CFAP20DC: variants seen among roughly 807,000 people sequenced by gnomAD.
The protein encoded by CFAP20DC is protein CFAP20DC.
A neutral mutation model predicts 101.7 loss-of-function variants in CFAP20DC; 84 were observed. The observed-to-expected ratio is 0.83, with a 90% CI of 0.69 to 0.99. CFAP20DC has a LOEUF of 0.99. Ranked by LOEUF, CFAP20DC falls within the 50% of genes least tolerant of loss-of-function variation. The pLI is 0.00. For synonymous variants in CFAP20DC, 359 were observed against 351.2 expected (o/e 1.02, Z -0.25); for missense variants, 1,007 against 970.3 (o/e 1.04, Z -0.50).
At chr3:58,716,189 C>T (rs1261012346), downstream of CFAP20DC, among the ~76,000 whole-genome samples, 1 of 119,052 alleles carries the variant, frequency 8.4e-6, no homozygotes, top group Admixed American at 1.1e-4. Flanking sequence ...GAGTCTCGCT[C>T]TGTCGCCCAG....
intron 4 of CFAP20DC, among the ~76,000 whole-genome samples, chr3:58,957,203 A>G (rs2090712901): frequency 6.6e-6 from 1 of 152,188 alleles, no homozygotes; most frequent in Non-Finnish European, 1.5e-5. Context: ...AGATTTGAAC[A>G]AACATTTCTC....
chr3:58,734,580 A>C (rs899446774), intron 3 of CFAP20DC: 4 of 456,546 alleles, frequency 8.8e-6, no homozygotes, highest in Non-Finnish European at 1.8e-5. Flanking sequence ...TAGAAAAAAA[A>C]CAAACTCAGT....
intron 4 of CFAP20DC, 108 bp from the exon 5 acceptor site, chr3:58,937,870 G>T: frequency 1.5e-6 from 1 of 667,708 alleles, no homozygotes; most frequent in Non-Finnish European, 2.6e-6. Flanking sequence ...CTTTTCAACA[G>T]GAAGATCAAA....
At chr3:58,942,113 T>C (rs1388180554) in intron 4 of CFAP20DC, among the ~76,000 whole-genome samples, 5 of 152,216 alleles carry the variant, frequency 3.3e-5, no homozygotes, top group Non-Finnish European at 7.3e-5. Context: ...TCTATACTGG[T>C]TGAAATTATC....
intron 4 of CFAP20DC, among the ~76,000 whole-genome samples, chr3:58,976,865 C>G (rs140858230): frequency 6.6e-6 from 1 of 152,110 alleles, no homozygotes; most frequent in Non-Finnish European, 1.5e-5. Context: ...GGTGTCCTGT[C>G]CAGGTGGGTT....
chr3:58,764,782 G>A (rs2070106678), intron 15 of CFAP20DC, among the ~76,000 whole-genome samples: 1 of 152,056 alleles, frequency 6.6e-6, no homozygotes, highest in South Asian at 2.1e-4. Flanking sequence ...AGCACATGCA[G>A]GAAGGAGCCT....
chr3:58,860,175 C>CAAAAA (rs10575757), intron 12 of CFAP20DC, among the ~76,000 whole-genome samples: 6 of 78,156 alleles, frequency 7.7e-5, no homozygotes, highest in Non-Finnish European at 1.0e-4. Context: ...AACTCCATCT[C>CAAAAA]AAAAAAAAAA....
chr3:59,032,588 C>T (rs1397983573), intron 4 of CFAP20DC, among the ~76,000 whole-genome samples: 1 of 152,160 alleles, frequency 6.6e-6, no homozygotes. Flanking sequence ...CCTGGAAATT[C>T]GAACTAGGCA....
intron 3 of CFAP20DC, chr3:58,734,610 T>G: frequency 2.2e-6 from 1 of 456,358 alleles, no homozygotes; most frequent in South Asian, 1.6e-5. Context: ...CAAATGGATG[T>G]CATCCCATTT....
chr3:58,867,641 T>C (rs1215176977), intron 10 of CFAP20DC, among the ~76,000 whole-genome samples, 176 bp downstream of exon 10: 2 of 152,170 alleles, frequency 1.3e-5, no homozygotes, highest in African/African-American at 2.4e-5. Context: ...AAATCTCCAT[T>C]AGGGATCTAG....
intron 4 of CFAP20DC, among the ~76,000 whole-genome samples, chr3:58,957,312 C>T (rs756849421): frequency 1.1e-4 from 17 of 152,082 alleles, no homozygotes; most frequent in Non-Finnish European, 2.1e-4. Context: ...AGATACCTTC[C>T]CCCAGTTCAA....
At chr3:59,026,042 T>G (rs1162616111) in intron 4 of CFAP20DC, among the ~76,000 whole-genome samples, 1 of 152,112 alleles carries the variant, frequency 6.6e-6, no homozygotes, top group African/African-American at 2.4e-5. Context: ...AAAACCTATT[T>G]TAAGGCATGC....
At chr3:59,023,926 T>A (rs2093848533) in intron 4 of CFAP20DC, among the ~76,000 whole-genome samples, 2 of 152,040 alleles carry the variant, frequency 1.3e-5, no homozygotes, top group African/African-American at 4.8e-5. Flanking sequence ...GTAAAACATA[T>A]AAACATTTTC....
chr3:58,884,637 T>A lies in CFAP20DC; in HGVS notation c.623A>T (p.Asp208Val). Residue 208 changes from aspartate (D) to valine (V), a missense_variant, in exon 7 of 17, where the codon GAT becomes GTT. Asp to Val is a radical substitution (Grantham distance 152). Coordinates refer to ENST00000482387, the MANE Select transcript of CFAP20DC (RefSeq NM_001394063.1). ...TAGCAGCTGTGTGACATGTGGAACA[T>A]CTGTCATTAGTTGACAGCTTCGTGG... Reference protein sequence around the residue: ...IIPRSCQLMTDVPHVTQLLNM... With the variant: ...IIPRSCQLMTVVPHVTQLLNM... 1 of 1,613,706 alleles carries A rather than the reference T, an allele frequency of 6.2e-7. No individual in the cohort carries two copies. Among genetic ancestry groups the A allele is most frequent in the Non-Finnish European group, 8.5e-7 (1 of 1,179,606 alleles).
chr3:58,905,550 A>G lies in CFAP20DC; in HGVS notation c.550+8158T>C, dbSNP rs190034745. Among the ~76,000 whole-genome samples, 195 of 152,354 alleles carry G rather than the reference A, an allele frequency of 1.3e-3. 1 individual carries two copies. Among genetic ancestry groups the G allele is most frequent in the African/African-American group, 4.6e-3 (190 of 41,588 alleles). On this transcript the variant is annotated intron_variant, in intron 6 of 16. Coordinates refer to ENST00000482387, the MANE Select transcript of CFAP20DC (RefSeq NM_001394063.1). ...ATTGCTTGATGCAAGATTCCAAAAA[A>G]TTCACTTTCTATTATATCCCACTGT... is the stretch of plus-strand genomic sequence containing the variant.
At chr3:58,979,995 C>A (rs571028965) in intron 4 of CFAP20DC, among the ~76,000 whole-genome samples, 1 of 152,012 alleles carries the variant, frequency 6.6e-6, no homozygotes, top group Non-Finnish European at 1.5e-5. Context: ...TTGAAATGAT[C>A]GATTAGCACT....
chr3:58,924,382 T>C (rs1387384567), intron 5 of CFAP20DC, among the ~76,000 whole-genome samples: 5 of 152,132 alleles, frequency 3.3e-5, no homozygotes, highest in African/African-American at 9.7e-5. Context: ...TTCAGTTCCA[T>C]CATGTTGCTG....
At position 58,849,083 on chromosome 3, in the gene CFAP20DC, G is replaced by T. The variant is rs1316907440; in HGVS notation, c.1920C>A (p.Thr640=). The change falls in exon 13 of 17, where the codon ACC becomes ACA. Residue 640 remains threonine, a synonymous_variant. Transcript: ENST00000482387. Reference sequence around the variant, plus strand: ...TTTCCCCTGAGATTTCTTTCAGGGAGGTTTTGTTTAGTGAAGCTGGCACTT... The same window carrying T: ...TTTCCCCTGAGATTTCTTTCAGGGATGTTTTGTTTAGTGAAGCTGGCACTT... The part of the protein sequence containing the change: ...AQQVPASLNK[T]SLKEISGERL... 1.3e-6 allele frequency: 2 copies of T among 1,535,958 alleles called. No individual in the cohort carries two copies. Among genetic ancestry groups the T allele is most frequent in the East Asian group, 2.4e-5 (1 of 40,916 alleles).
At chr3:58,793,397 G>C (rs932980296) in intron 15 of CFAP20DC, among the ~76,000 whole-genome samples, 3 of 152,130 alleles carry the variant, frequency 2.0e-5, no homozygotes, top group Non-Finnish European at 4.4e-5. Context: ...CACATGGCTG[G>C]TTGTTTTTGT....
Sources: allele counts gnomAD v4.1 joint callset (sites outside exome capture counted in the v4.1 genomes callset), GRCh38; gene constraint gnomAD v4.1.1; transcripts MANE v1.5; gene names NCBI Gene and HGNC (gene_info 2026-07-23, HGNC 2026-07-21).